The following PROM1 variants were observed in gnomAD, a reference collection of about 807,000 sequenced individuals.
PROM1 encodes prominin 1, also known as prominin-1.
In PROM1, 105 loss-of-function variants were observed where a neutral mutation model predicts 116.9. The ratio of observed to expected loss-of-function variants is 0.90; its 90% CI spans 0.77 to 1.06. PROM1 has a LOEUF of 1.06. Among genes scored for constraint, PROM1 ranks in the 50% least tolerant of loss-of-function variants. The pLI is 0.00. For missense variants in PROM1, 1,122 were observed against 1,045.2 expected, an observed-to-expected ratio of 1.07 and a Z score of -1.01; for synonymous variants, 393 against 387.0, an observed-to-expected ratio of 1.02 and a Z score of -0.18.
In PROM1 at chr4:16,025,265, C is replaced by T. The variant is rs542759235; in HGVS notation, c.557G>A (p.Arg186Gln). The change falls in exon 6 of 28, where the codon CGG (arginine) becomes CAG (glutamine). Residue 186 changes from arginine (R) to glutamine (Q), a missense_variant. Transcript: ENST00000447510. ...GFVANHQVRT[R>Q]IKRSRKLADS... ...TGCCAGTTTCCGACTCCTTTTGATC[C>T]GGGTTCTTACCTGGTGATTTGCCAC... 30 of 1,613,900 alleles carry T rather than the reference C, an allele frequency of 1.9e-5. No homozygotes were observed. Among genetic ancestry groups the T allele is most frequent in the Admixed American group, 8.3e-5 (5 of 60,014 alleles).
chr4:16,024,835 A>G (rs1517599), intron 6 of PROM1, among the ~76,000 whole-genome samples: 112,904 of 151,978 alleles, frequency 0.74, 42,334 homozygotes, highest in Non-Finnish European at 0.8. Context: ...GTAACTTTGT[A>G]CAAGTGATGG....
At chr4:16,005,496 GT>G (rs1475127342) in intron 13 of PROM1, among the ~76,000 whole-genome samples, 3 of 466 alleles carry the variant, frequency 6.4e-3, no homozygotes, top group Admixed American at 0.031. Context: ...TGTTTGTTTG[GT>G]GTGTGTGTGT....
intron 7 of PROM1, 84 bp downstream of exon 7, chr4:16,024,211 G>C: frequency 8.2e-7 from 1 of 1,219,590 alleles, no homozygotes; most frequent in Non-Finnish European, 1.2e-6. Context: ...CAACTTTCAC[G>C]TACGTCATTT....
At chr4:16,003,242 T>C in intron 13 of PROM1, 6 of 455,858 alleles carry the variant, frequency 1.3e-5, no homozygotes, top group Admixed American at 1.2e-4. Flanking sequence ...GCCACTCTTC[T>C]ACAGCTGGAC....
At chr4:16,038,516 C>T (rs188207664) in intron 3 of PROM1, among the ~76,000 whole-genome samples, 6 of 152,286 alleles carry the variant, frequency 3.9e-5, no homozygotes, top group Middle Eastern at 3.4e-3. Context: ...GATTCTCCTG[C>T]CTCAGCCTCC....
intron 7 of PROM1, among the ~76,000 whole-genome samples, chr4:16,024,045 C>A (rs1730585546): frequency 6.6e-6 from 1 of 152,166 alleles, no homozygotes; most frequent in Non-Finnish European, 1.5e-5. Context: ...CTTGTGACTG[C>A]AAGAATGCTA....
chr4:15,977,422 C>G (rs116531912), intron 26 of PROM1, among the ~76,000 whole-genome samples: 79 of 152,224 alleles, frequency 5.2e-4, no homozygotes, highest in African/African-American at 1.7e-3. Context: ...CATGCTACAC[C>G]GCAAAAAGGA....
At chr4:16,013,431 G>T in intron 10 of PROM1, 93 bp from the exon 11 acceptor site, 1 of 818,714 alleles carries the variant, frequency 1.2e-6, no homozygotes. Context: ...GAGTAGAGAG[G>T]CAAAATAAAA....
At chr4:15,995,627 A>G (rs1722143995) in intron 15 of PROM1, among the ~76,000 whole-genome samples, 2 of 152,088 alleles carry the variant, frequency 1.3e-5, no homozygotes, top group African/African-American at 2.4e-5. Flanking sequence ...AAAGCTCCCA[A>G]AGAGTAGCCT....
chr4:16,008,854 C>T, intron 12 of PROM1, 95 bp downstream of exon 12: 2 of 1,223,108 alleles, frequency 1.6e-6, no homozygotes, highest in African/African-American at 1.5e-5. Flanking sequence ...GTACAATTTG[C>T]TCTCATAAGA....
intron 22 of PROM1, 31 bp downstream of exon 22, chr4:15,985,729 C>G: frequency 7.0e-7 from 1 of 1,423,470 alleles, no homozygotes; most frequent in Non-Finnish European, 9.8e-7. Context: ...ACTTGACCCC[C>G]CTTAACATTC....
At chr4:15,976,623 T>A (rs756235101) in intron 26 of PROM1, among the ~76,000 whole-genome samples, 1 of 152,212 alleles carries the variant, frequency 6.6e-6, no homozygotes, top group Non-Finnish European at 1.5e-5. Context: ...GCTGTGATGA[T>A]CATGCCTAAG....
chr4:16,008,949 C>T lies in PROM1; in HGVS notation c.1301G>A (p.Trp434Ter), dbSNP rs1461400697. 3.8e-6 allele frequency: 6 copies of T among 1,579,260 alleles called. No individual in the cohort carries two copies. The highest frequency in any genetic ancestry group is 5.2e-6 in the Non-Finnish European group (6 of 1,151,036). The change falls in exon 12 of 28, where the codon TGG (tryptophan) becomes TAG (stop). Residue 434 changes from tryptophan (W) to a stop codon, truncating the protein, a stop_gained and splice_region_variant. Coordinates refer to ENST00000447510, the MANE Select transcript of PROM1 (RefSeq NM_006017.3). LOFTEE classifies it high-confidence loss of function. Reference protein sequence around the residue: ...LPTLEEYDSYWWLGGLVICSL... With the variant: ...LPTLEEYDSY The stretch of plus-strand genomic sequence containing the variant: ...TCACCAGCTCCAAGGAGACACTCAC[C>T]AGTATGAATCATACTCTTCCAATGT...
intron 26 of PROM1, among the ~76,000 whole-genome samples, chr4:15,972,880 A>G (rs938190437): frequency 7.2e-5 from 11 of 152,192 alleles, no homozygotes; most frequent in African/African-American, 2.7e-4. Context: ...AATCAACACA[A>G]CACAACAGGG....
At chr4:16,001,142 G>A (rs1333792761) in intron 13 of PROM1, among the ~76,000 whole-genome samples, 1 of 152,174 alleles carries the variant, frequency 6.6e-6, no homozygotes, top group African/African-American at 2.4e-5. Flanking sequence ...GAGAGTTGGT[G>A]GATGATGGAG....
intron 10 of PROM1, among the ~76,000 whole-genome samples, chr4:16,015,345 CAAAAAAAAA>C (rs71649934): frequency 1.9e-5 from 1 of 51,558 alleles, no homozygotes; most frequent in Non-Finnish European, 3.3e-5. Context: ...GACTCCATCT[CAAAAAAAAA>C]AAAAAAAAAA....
Position 15,989,716 on chromosome 4 carries a change from C to G in PROM1, c.2076+16G>C. 1.3e-6 allele frequency: 2 copies of G among 1,568,558 alleles called. No individual in the cohort carries two copies. The highest frequency in any genetic ancestry group is 1.7e-6 in the Non-Finnish European group (2 of 1,147,196). On this transcript the variant is annotated intron_variant, in intron 19 of 27. Coordinates refer to ENST00000447510, the MANE Select transcript of PROM1 (RefSeq NM_006017.3). ...GCTCAGGTCACAGTGAAATACAATA[C>G]GTCGTTGACTGTTACCAGTGATTGT...
intron 2 of PROM1, among the ~76,000 whole-genome samples, chr4:16,045,821 A>C (rs1169568512): frequency 6.6e-6 from 1 of 152,092 alleles, no homozygotes; most frequent in Non-Finnish European, 1.5e-5. Flanking sequence ...ATCATGACCA[A>C]ATACAGTGGA....
intron 13 of PROM1, 149 bp downstream of exon 13, chr4:16,006,389 C>T: frequency 4.6e-6 from 4 of 861,108 alleles, no homozygotes; most frequent in Non-Finnish European, 6.9e-6. Flanking sequence ...AAGGTCCCAT[C>T]ACAGCAGGAT....
Sources: allele counts gnomAD v4.1 joint callset (sites outside exome capture counted in the v4.1 genomes callset), GRCh38; gene constraint gnomAD v4.1.1; transcripts MANE v1.5; gene names NCBI Gene and HGNC (gene_info 2026-07-23, HGNC 2026-07-21).